Variants in WBP1 observed in about 807,000 individuals in gnomAD.
WBP1 encodes WW domain-binding protein 1.
A neutral mutation model predicts 25.6 loss-of-function variants in WBP1; 18 were observed. The ratio of observed to expected loss-of-function variants is 0.70; its 90% confidence interval spans 0.49 to 1.04. The LOEUF (loss-of-function observed/expected upper bound fraction) is 1.04. Among genes scored for constraint, WBP1 ranks in the 50% least tolerant of loss-of-function variants. WBP1 has a pLI of 0.00. For synonymous variants in WBP1, 122 were observed against 137.7 expected (o/e 0.89, Z 0.80); for missense variants, 330 against 352.9 (o/e 0.94, Z 0.52).
At chr2:74,459,241 C>CCGCT in intron 1 of WBP1, 1 of 1,223,980 alleles carries the variant, frequency 8.2e-7, no homozygotes, top group South Asian at 1.6e-5. Context: ...AAATGACCTA[C>CCGCT]CGCTACCCGT....
intron 1 of WBP1, chr2:74,459,219 A>G: frequency 7.2e-7 from 1 of 1,395,820 alleles, no homozygotes; most frequent in Non-Finnish European, 9.5e-7. Flanking sequence ...TAATGAAAGC[A>G]ACTTGCTTTG....
At position 74,460,633 on chromosome 2, in the gene WBP1, G is replaced by A. The variant is rs775303195; in HGVS notation, c.762G>A (p.Pro254=). 15 of 1,599,138 alleles carry A rather than the reference G, an allele frequency of 9.4e-6. No individual in the cohort carries two copies. The highest frequency in any genetic ancestry group is 8.9e-5 in the East Asian group (4 of 44,708). The change falls in exon 4 of 4, where the codon CCG becomes CCA. Residue 254 remains proline (P), a synonymous_variant. Transcript: ENST00000233615. ...SPCALPPESV[P]QIFPMGLSSS... is the part of the protein sequence containing the mutation. The stretch of plus-strand genomic sequence containing the variant: ...GTGCACTACCCCCAGAGTCTGTACC[G>A]CAGATCTTTCCCATGGGGCTGTCTT...
In WBP1 at chr2:74,460,428, A is replaced by C; in HGVS notation, c.557A>C (p.Gln186Pro). Residue 186 changes from glutamine to proline, a missense_variant, in exon 4 of 4, where the codon CAG becomes CCG. Gln to Pro is a moderately conservative substitution (Grantham distance 76, BLOSUM62 -1). Transcript: ENST00000233615. ...VSSHQSAPPHQEGEPGAGVTP... is the reference protein window; with the variant it reads ...VSSHQSAPPHPEGEPGAGVTP... ...TCCCACCAGAGTGCCCCCCCTCATC[A>C]GGAGGGTGAGCCCGGGGCAGGGGTG... 1.9e-6 allele frequency: 3 copies of C among 1,613,616 alleles called. No individual in the cohort carries two copies. Among genetic ancestry groups the C allele is most frequent in the Non-Finnish European group, 1.7e-6 (2 of 1,179,978 alleles).
Position 74,460,426 on chromosome 2 carries a change from T to G in WBP1, c.555T>G (p.His185Gln), listed in dbSNP as rs1671865892. Residue 185 changes from histidine to glutamine, a missense_variant, in exon 4 of 4, where the codon CAT becomes CAG. His to Gln is a conservative substitution (Grantham distance 24). Coordinates refer to ENST00000233615, the MANE Select transcript of WBP1 (RefSeq NM_012477.4). ...GVSSHQSAPP[H>Q]QEGEPGAGVT... is the part of the protein sequence containing the mutation. Reference sequence around the variant, plus strand: ...CCTCCCACCAGAGTGCCCCCCCTCATCAGGAGGGTGAGCCCGGGGCAGGGG... The same window carrying G: ...CCTCCCACCAGAGTGCCCCCCCTCAGCAGGAGGGTGAGCCCGGGGCAGGGG... The G allele has an allele frequency of 1.9e-6, 3 of 1,613,382 alleles. No homozygotes were observed. Among genetic ancestry groups the G allele is most frequent in the Non-Finnish European group, 1.7e-6 (2 of 1,179,954 alleles).
intron 1 of WBP1, chr2:74,459,077 T>C (rs1288095884): frequency 1.3e-6 from 2 of 1,549,216 alleles, no homozygotes; most frequent in Non-Finnish European, 1.7e-6. Flanking sequence ...CCATCCTTTA[T>C]CATCCACAGC....
Position 74,458,802 on chromosome 2 carries a change from TC to T in WBP1, c.69+133del, listed in dbSNP as rs1485503738. 2.0e-6 allele frequency: 3 copies of T among 1,526,792 alleles called. No individual in the cohort carries two copies. In the African/African-American group the frequency reaches 4.1e-5, roughly 21 times the overall value. 94.6% of individuals were successfully genotyped at this position (1,526,792 alleles called of 1,614,324 possible). On this transcript the variant is annotated intron_variant, in intron 1 of 3. Transcript: ENST00000233615. Reference sequence around the variant, plus strand: ...CTGTGAAGTTCCTAAACATGTCTCTTCCACTCTTTGTCTAAACTTTGTAACG... The same window carrying T: ...CTGTGAAGTTCCTAAACATGTCTCTTCACTCTTTGTCTAAACTTTGTAACG...
In WBP1 at chr2:74,460,254, A is replaced by AGG; in HGVS notation, c.384_385dup (p.Asp129GlyfsTer22). The AGG allele has an allele frequency of 6.2e-7, 1 of 1,613,240 alleles. No homozygotes were observed. The highest frequency in any genetic ancestry group is 8.5e-7 in the Non-Finnish European group (1 of 1,179,404). On this transcript the variant is annotated frameshift_variant, in exon 4 of 4. Transcript: ENST00000233615. LOFTEE classifies it high-confidence loss of function. Reference sequence around the variant, plus strand: ...AGCACCTTCAAGCCCCCAGCCTACGAGGATGTGGTTCACCGCCCAGGCACA... The same window carrying AGG: ...AGCACCTTCAAGCCCCCAGCCTACGAGGGGATGTGGTTCACCGCCCAGGCACA...
intron 1 of WBP1, chr2:74,459,422 T>C: frequency 1.6e-6 from 1 of 631,612 alleles, no homozygotes; most frequent in Non-Finnish European, 2.8e-6. Flanking sequence ...GTCCACACTT[T>C]TGTCTTGTTC....
At chr2:74,459,313 G>T in intron 1 of WBP1, 1 of 344,534 alleles carries the variant, frequency 2.9e-6, no homozygotes, top group Non-Finnish European at 5.6e-6. Flanking sequence ...TCCCTTAACA[G>T]AAAGCACCGA....
At chr2:74,458,832 A>T in intron 1 of WBP1, 161 bp downstream of exon 1, 1 of 1,539,272 alleles carries the variant, frequency 6.5e-7, no homozygotes, top group Non-Finnish European at 8.8e-7. Flanking sequence ...TGTAACGTAG[A>T]TGCAGCTGAC....
At position 74,459,689 on chromosome 2, in the gene WBP1, A is replaced by G; in HGVS notation, c.116A>G (p.Glu39Gly). ...PGVNNQPYLCESGHCCGETGC... is the reference protein window; with the variant it reads ...PGVNNQPYLCGSGHCCGETGC... ...GTGAACAACCAGCCCTACCTCTGTG[A>G]GAGTGGTCACTGCTGCGGGGAGACT... The change falls in exon 2 of 4, where the codon GAG becomes GGG. Residue 39 changes from glutamate (E) to glycine (G), a missense_variant. Transcript: ENST00000233615. The G allele has an allele frequency of 6.2e-7, 1 of 1,614,104 alleles. No homozygotes were observed. The highest frequency in any genetic ancestry group is 1.1e-5 in the South Asian group (1 of 91,080).
At position 74,460,537 on chromosome 2, in the gene WBP1, CGGTGAGGGTGAGCCAGTCAAGGA is replaced by C. The variant is rs774654440; in HGVS notation, c.676_698del (p.Glu226Ter). On this transcript the variant is annotated frameshift_variant, in exon 4 of 4. Coordinates refer to ENST00000233615, the MANE Select transcript of WBP1 (RefSeq NM_012477.4). LOFTEE classifies it low-confidence loss of function (END_TRUNC). ...TTGAGCTCTGCCCTTGTCCTGCCTC[CGGTGAGGGTGAGCCAGTCAAGGA>C]GGTGAGGGTTAGTGCCACCCTGCCA... 5.0e-5 allele frequency: 81 copies of C among 1,613,530 alleles called. No homozygotes were observed. Among genetic ancestry groups the C allele is most frequent in the Non-Finnish European group, 6.7e-5 (79 of 1,179,964 alleles).
chr2:74,460,073 C>T (rs1309837362), intron 3 of WBP1, 24 bp downstream of exon 3: 2 of 1,607,484 alleles, frequency 1.2e-6, no homozygotes, highest in East Asian at 2.2e-5. Flanking sequence ...TGCCCTGGGT[C>T]AGCTACCAGT....
chr2:74,460,729 T>C lies in WBP1; in HGVS notation c.*48T>C. On this transcript the variant is annotated 3_prime_UTR_variant, in exon 4 of 4. Coordinates refer to ENST00000233615, the MANE Select transcript of WBP1 (RefSeq NM_012477.4). ...GTTACTTGCCCACCAGAAACAGCCC[T>C]AGTCCCAACTCCTTGCGTTCCTTTG... The C allele has an allele frequency of 6.8e-7, 1 of 1,463,852 alleles. No homozygotes were observed. The highest frequency in any genetic ancestry group is 9.2e-7 in the Non-Finnish European group (1 of 1,086,974). The allele number at this position is 1,463,852 out of a possible 1,614,324, so 90.7% of individuals were successfully genotyped here. A position where few individuals can be genotyped will look rare whatever the true frequency, so the allele number is the denominator to read the frequency against.
chr2:74,458,453 C>G lies in WBP1; in HGVS notation c.-150C>G. The G allele has an allele frequency of 6.9e-7, 1 of 1,451,990 alleles. No individual in the cohort carries two copies. Among genetic ancestry groups the G allele is most frequent in the Non-Finnish European group, 9.1e-7 (1 of 1,101,482 alleles). The allele number at this position is 1,451,990 out of a possible 1,614,324, so 89.9% of individuals were successfully genotyped here. On this transcript the variant is annotated 5_prime_UTR_variant, in exon 1 of 4. Transcript: ENST00000233615. ...AATCTGAGTCCTAGTTGGTGGAGTT[C>G]TGCCCGGATGGAAGCTCCGGCCGCG...
Position 74,460,494 on chromosome 2 carries a change from T to G in WBP1, c.623T>G (p.Leu208Ter). 2 of 1,613,644 alleles carry G rather than the reference T, an allele frequency of 1.2e-6. No individual in the cohort carries two copies. The highest frequency in any genetic ancestry group is 1.7e-6 in the Non-Finnish European group (2 of 1,179,936). ...CCCCCCTCCTGCCGCTATCGCCGTT[T>G]AACTGGCGACTCCGGTATTGAGCTC... is the stretch of plus-strand genomic sequence containing the variant. ...STPPSCRYRR[L>*]TGDSGIELCP... Residue 208 changes from leucine (L) to a stop codon, truncating the protein, a stop_gained, in exon 4 of 4, where the codon TTA becomes TGA. Transcript: ENST00000233615. LOFTEE classifies it high-confidence loss of function.
chr2:74,460,164 A>G (rs1671854705), intron 3 of WBP1, 57 bp from the exon 4 acceptor site: 1 of 1,573,588 alleles, frequency 6.4e-7, no homozygotes, highest in Admixed American at 1.8e-5. Flanking sequence ...TAATATAAAA[A>G]CTAGCACCCT....
At position 74,460,209 on chromosome 2, in the gene WBP1, T is replaced by C. The variant is rs374807274; in HGVS notation, c.350-12T>C. 6.3e-7 allele frequency: 1 copy of C among 1,598,220 alleles called. No individual in the cohort carries two copies. Among genetic ancestry groups the C allele is most frequent in the African/African-American group, 1.3e-5 (1 of 74,414 alleles). On this transcript the variant is annotated splice_polypyrimidine_tract_variant and intron_variant, in intron 3 of 3. Transcript: ENST00000233615. ...TGTCTTCAACCAATCATGCCAATTT[T>C]CTCCCCTGCAGGCTTCCTCAGCACC...
At position 74,458,501 on chromosome 2, in the gene WBP1, G is replaced by T. The variant is rs1268484074; in HGVS notation, c.-102G>T. ...GCGGAGTGATGGTGGCCTCAGCGAAGATGGGCCGGGCAGGGACCATGGCGG... is the reference window on the plus strand; with the variant it reads ...GCGGAGTGATGGTGGCCTCAGCGAATATGGGCCGGGCAGGGACCATGGCGG... On this transcript the variant is annotated 5_prime_UTR_variant, in exon 1 of 4. Coordinates refer to ENST00000233615, the MANE Select transcript of WBP1 (RefSeq NM_012477.4). The T allele has an allele frequency of 2.7e-5, 40 of 1,489,090 alleles. No individual in the cohort carries two copies. The highest frequency in any genetic ancestry group is 3.5e-5 in the Non-Finnish European group (39 of 1,113,530). 92.2% of individuals were successfully genotyped at this position (1,489,090 alleles called of 1,614,324 possible).
Sources: gnomAD v4.1 joint callset for allele counts on GRCh38, gnomAD v4.1.1 for gene constraint, MANE v1.5 for transcripts, NCBI Gene and HGNC (gene_info 2026-07-23, HGNC 2026-07-21) for gene names.